EML6: variants seen among roughly 807,000 people sequenced by gnomAD.
EML6 encodes echinoderm microtubule-associated protein-like 6.
Under a neutral mutation model 240.1 loss-of-function variants are expected in EML6, and 154 were observed. The observed-to-expected ratio is 0.64, with a 90% CI of 0.56 to 0.73. The LOEUF is 0.73. Ranked by LOEUF, EML6 falls within the 30% of genes least tolerant of loss-of-function variation. The pLI, the probability that EML6 is intolerant of heterozygous loss-of-function variation, is 0.00. For synonymous variants in EML6, 1,148 were observed against 899.0 expected (o/e 1.28, Z -4.95); for missense variants, 2,964 against 2,474.6 (o/e 1.20, Z -4.20).
intron 38 of EML6, among the ~76,000 whole-genome samples, chr2:54,966,055 A>G (rs2864048): frequency 0.029 from 4,437 of 152,352 alleles, 222 homozygotes; most frequent in African/African-American, 0.098. Context: ...CACTGTCTCA[A>G]TCATAATTTT....
intron 17 of EML6, among the ~76,000 whole-genome samples, chr2:54,889,341 C>CA (rs1672331626): frequency 6.6e-6 from 1 of 151,894 alleles, no homozygotes; most frequent in Non-Finnish European, 1.5e-5. Flanking sequence ...CACACACACA[C>CA]CCCGTGGTCT....
intron 2 of EML6, among the ~76,000 whole-genome samples, chr2:54,726,705 A>G (rs1682924300): frequency 6.6e-6 from 1 of 152,202 alleles, no homozygotes; most frequent in Admixed American, 6.5e-5. Flanking sequence ...TGCTTCTCTA[A>G]TTGCTAGGCT....
At chr2:54,897,524 A>G (rs1672833089) in intron 21 of EML6, among the ~76,000 whole-genome samples, 1 of 152,200 alleles carries the variant, frequency 6.6e-6, no homozygotes, top group African/African-American at 2.4e-5. Flanking sequence ...TGGGATTCCA[A>G]CCAAGGTTTG....
chr2:54,785,117 A>T (rs1040880912), intron 2 of EML6, among the ~76,000 whole-genome samples: 3 of 151,656 alleles, frequency 2.0e-5, no homozygotes, highest in African/African-American at 7.3e-5. Context: ...TGCACTAAAC[A>T]TGATGAAAAA....
chr2:54,944,816 C>T (rs370583641), intron 28 of EML6, among the ~76,000 whole-genome samples: 45 of 152,108 alleles, frequency 3.0e-4, no homozygotes, highest in African/African-American at 8.7e-4. Flanking sequence ...CAACAGAGTC[C>T]AGTTCTTAGG....
At chr2:54,944,886 G>C (rs1255275172) in intron 28 of EML6, among the ~76,000 whole-genome samples, 2 of 151,856 alleles carry the variant, frequency 1.3e-5, no homozygotes, top group African/African-American at 2.4e-5. Flanking sequence ...GTTTGGTCTT[G>C]ATAACAGAGA....
chr2:54,770,467 G>A (rs1240950501), intron 2 of EML6, among the ~76,000 whole-genome samples: 5 of 152,106 alleles, frequency 3.3e-5, no homozygotes, highest in Admixed American at 6.6e-5. Flanking sequence ...ATGGTTGATC[G>A]CCTCTTGCCC....
chr2:54,824,564 A>G (rs1211967967), intron 5 of EML6, among the ~76,000 whole-genome samples: 1 of 152,202 alleles, frequency 6.6e-6, no homozygotes, highest in Non-Finnish European at 1.5e-5. Flanking sequence ...TTCATCTGAA[A>G]TTTGTATAGC....
At chr2:54,872,854 C>CT (rs1254604568) in intron 16 of EML6, among the ~76,000 whole-genome samples, 3 of 152,172 alleles carry the variant, frequency 2.0e-5, no homozygotes, top group Non-Finnish European at 4.4e-5. Context: ...ATAACCTGTC[C>CT]TTTTTTGTGC....
At chr2:54,834,322 TAATG>T (rs1457108070) in intron 7 of EML6, among the ~76,000 whole-genome samples, 1 of 152,126 alleles carries the variant, frequency 6.6e-6, no homozygotes, top group Non-Finnish European at 1.5e-5. Context: ...CTGGGTAAAA[TAATG>T]AAGCTTGAGT....
At chr2:54,796,624 G>GCA (rs553268007) in intron 2 of EML6, among the ~76,000 whole-genome samples, 60 of 151,828 alleles carry the variant, frequency 4.0e-4, no homozygotes, top group African/African-American at 1.4e-3. Context: ...ATACACGAGC[G>GCA]CACACACACA....
At chr2:54,819,950 A>G (rs1668255130) in intron 4 of EML6, among the ~76,000 whole-genome samples, 3 of 152,178 alleles carry the variant, frequency 2.0e-5, no homozygotes, top group African/African-American at 7.2e-5. Flanking sequence ...TGTGATTACT[A>G]GAGACTGTTG....
intron 17 of EML6, among the ~76,000 whole-genome samples, chr2:54,887,441 T>C (rs1020164248): frequency 8.5e-5 from 13 of 152,226 alleles, no homozygotes; most frequent in Non-Finnish European, 5.9e-5. Flanking sequence ...GTCTATAACT[T>C]GCTGATTTTT....
At chr2:54,743,317 C>G (rs1683741153) in intron 2 of EML6, among the ~76,000 whole-genome samples, 1 of 152,246 alleles carries the variant, frequency 6.6e-6, no homozygotes, top group Admixed American at 6.5e-5. Flanking sequence ...GGAGAAAACC[C>G]TCGCAGACGT....
intron 21 of EML6, among the ~76,000 whole-genome samples, chr2:54,898,254 G>A (rs1322052332): frequency 2.0e-5 from 3 of 152,084 alleles, no homozygotes; most frequent in Admixed American, 2.0e-4. Flanking sequence ...TGTGTTACAC[G>A]GGGATTAAAA....
At chr2:54,846,890 C>G (rs149391427) in intron 8 of EML6, among the ~76,000 whole-genome samples, 180 of 149,256 alleles carry the variant, frequency 1.2e-3, no homozygotes, top group African/African-American at 4.1e-3. Flanking sequence ...CACTTAATTT[C>G]CAAAGTGAAA....
intron 7 of EML6, among the ~76,000 whole-genome samples, chr2:54,842,357 C>T (rs191703742): frequency 1.1e-3 from 171 of 152,262 alleles, no homozygotes; most frequent in Non-Finnish European, 1.9e-3. Context: ...AAAGCTGCTT[C>T]CTTAGTCAAA....
intron 11 of EML6, among the ~76,000 whole-genome samples, chr2:54,855,129 G>A (rs980457864): frequency 6.6e-6 from 1 of 152,190 alleles, no homozygotes; most frequent in Non-Finnish European, 1.5e-5. Context: ...TTACATTGCT[G>A]TAAAGAAGTA....
At chr2:54,744,905 TACACACACACACACACACACACACAC>T (rs56324677) in intron 2 of EML6, among the ~76,000 whole-genome samples, 1,076 of 107,292 alleles carry the variant, frequency 0.01, 4 homozygotes, top group Middle Eastern at 0.019. Context: ...CACACACACG[TACACACACACACACACACACACACAC>T]ACACACACAC....
Sources: allele counts gnomAD v4.1 joint callset (sites outside exome capture counted in the v4.1 genomes callset), GRCh38; gene constraint gnomAD v4.1.1; transcripts MANE v1.5; gene names NCBI Gene and HGNC (gene_info 2026-07-23, HGNC 2026-07-21).